Variants in DPP10 observed in about 807,000 individuals in gnomAD.
DPP10 encodes the protein inactive dipeptidyl peptidase 10.
Under a neutral mutation model 120.9 loss-of-function variants are expected in DPP10, and 33 were observed. The ratio of observed to expected loss-of-function variants is 0.27; its 90% CI spans 0.21 to 0.37. The LOEUF (loss-of-function observed/expected upper bound fraction) is 0.37, where lower values mean the gene tolerates loss of function less well. Among genes scored for constraint, DPP10 ranks in the 10% least tolerant of loss-of-function variants. The pLI, the probability that DPP10 is intolerant of heterozygous loss-of-function variation, is 1.00. For synonymous variants in DPP10, 337 were observed against 326.1 expected, an observed-to-expected ratio of 1.03 and a Z score of -0.36; for missense variants, 816 against 942.8, an observed-to-expected ratio of 0.87 and a Z score of 1.76.
intron 1 of DPP10, among the ~76,000 whole-genome samples, chr2:115,065,763 T>G (rs1449248320): frequency 6.7e-6 from 1 of 149,522 alleles, no homozygotes; most frequent in Non-Finnish European, 1.5e-5. Flanking sequence ...AGTAAAATTG[T>G]ATAGTCAATC....
intron 5 of DPP10, among the ~76,000 whole-genome samples, chr2:115,559,740 A>G (rs2080448406): frequency 1.3e-5 from 2 of 152,172 alleles, no homozygotes; most frequent in South Asian, 4.1e-4. Flanking sequence ...CAGCCAAAGT[A>G]CCCAGATGGC....
intron 3 of DPP10, among the ~76,000 whole-genome samples, chr2:115,489,000 T>G (rs1407939124): frequency 6.6e-6 from 1 of 152,108 alleles, no homozygotes; most frequent in African/African-American, 2.4e-5. Flanking sequence ...AAGAACAGTC[T>G]TTTAGTTACA....
intron 1 of DPP10, among the ~76,000 whole-genome samples, chr2:114,544,184 A>T (rs138230424): frequency 6.6e-6 from 1 of 152,202 alleles, no homozygotes; most frequent in Non-Finnish European, 1.5e-5. Context: ...AGAAGAATCA[A>T]TGGGAGAGGT....
At chr2:115,338,624 C>T (rs2420818) in intron 2 of DPP10, among the ~76,000 whole-genome samples, 2 of 151,956 alleles carry the variant, frequency 1.3e-5, no homozygotes, top group Non-Finnish European at 2.9e-5. Context: ...CCTTGCCCAG[C>T]TCAGTATCAT....
chr2:114,471,823 G>A (rs139859825), intron 1 of DPP10, among the ~76,000 whole-genome samples: 104 of 152,314 alleles, frequency 6.8e-4, no homozygotes, highest in African/African-American at 2.1e-3. Context: ...TGAAGGTTCA[G>A]TAGGTAAGAG....
chr2:114,582,603 G>T (rs997265498), intron 1 of DPP10, among the ~76,000 whole-genome samples: 1 of 152,272 alleles, frequency 6.6e-6, no homozygotes, highest in African/African-American at 2.4e-5. Flanking sequence ...CCAGAATTTG[G>T]TGTTGTCAGT....
rs879719530 is a variant in DPP10, at chr2:115,732,228, GA to G, written c.697+4300del. 4.0e-5 allele frequency among the ~76,000 whole-genome samples: 6 copies of G among 151,576 alleles called. No individual in the cohort carries two copies. The South Asian group carries it at 8.3e-4, about 21-fold the overall frequency. On this transcript the variant is annotated intron_variant, in intron 8 of 25. Transcript: ENST00000410059. ...AAATTTACCTTTTGTAAATGTCATA[GA>G]AAAAAAAGATGAGAGAAAGAGTGAC...
intron 1 of DPP10, among the ~76,000 whole-genome samples, chr2:115,130,158 T>C (rs1242179817): frequency 1.3e-5 from 2 of 152,224 alleles, no homozygotes; most frequent in African/African-American, 2.4e-5. Flanking sequence ...GTTAGCTAGC[T>C]CAGATGGAAG....
chr2:115,169,825 C>T (rs1277907282), intron 1 of DPP10, among the ~76,000 whole-genome samples: 3 of 152,136 alleles, frequency 2.0e-5, no homozygotes, highest in Non-Finnish European at 1.5e-5. Flanking sequence ...CTGGTTTTCT[C>T]AGGTCAAGAC....
intron 3 of DPP10, among the ~76,000 whole-genome samples, chr2:115,484,831 T>C (rs1194949769): frequency 6.6e-6 from 1 of 152,092 alleles, no homozygotes; most frequent in African/African-American, 2.4e-5. Flanking sequence ...AAATAGTCCT[T>C]TAGTTTTCTC....
intron 4 of DPP10, among the ~76,000 whole-genome samples, chr2:115,507,190 A>G (rs575882554): frequency 3.3e-5 from 5 of 152,256 alleles, no homozygotes; most frequent in African/African-American, 1.2e-4. Flanking sequence ...AAAAACTTGT[A>G]GAGATTTTTC....
intron 1 of DPP10, among the ~76,000 whole-genome samples, chr2:114,962,798 C>G (rs1698744452): frequency 6.6e-6 from 1 of 152,136 alleles, no homozygotes; most frequent in African/African-American, 2.4e-5. Flanking sequence ...TTGTTGAGCC[C>G]TAATTTAAAT....
intron 17 of DPP10, among the ~76,000 whole-genome samples, chr2:115,788,164 C>T (rs533577198): frequency 2.6e-4 from 39 of 151,972 alleles, no homozygotes; most frequent in Non-Finnish European, 5.1e-4. Context: ...TTCCAATTTA[C>T]GTGTAACTAC....
intron 1 of DPP10, among the ~76,000 whole-genome samples, chr2:114,745,527 A>G (rs1278663720): frequency 2.6e-5 from 4 of 152,346 alleles, no homozygotes; most frequent in South Asian, 4.1e-4. Context: ...AAAAAGAAAT[A>G]CATGGTATGA....
intron 1 of DPP10, among the ~76,000 whole-genome samples, chr2:114,775,784 T>A (rs1681673167): frequency 6.6e-6 from 1 of 152,318 alleles, no homozygotes; most frequent in South Asian, 2.1e-4. Context: ...AGTGTCTTAT[T>A]AATTCAACAC....
rs907637699 is a variant in DPP10 at position 115,583,610 on chromosome 2, G to A, written c.441+57638G>A. ...CATGGTATCTCAGGGCTCCCATAGA[G>A]CGTTTTCCAAGAGACAGGAAACAGG... is the stretch of plus-strand genomic sequence containing the variant. On this transcript the variant is annotated intron_variant, in intron 5 of 25. Transcript: ENST00000410059. Among the ~76,000 whole-genome samples, 5 of 152,254 alleles carry A rather than the reference G, an allele frequency of 3.3e-5. No homozygotes were observed. The South Asian group carries it at 1.0e-3, about 32-fold the overall frequency.
intron 1 of DPP10, among the ~76,000 whole-genome samples, chr2:115,305,558 C>A (rs946711412): frequency 2.0e-5 from 3 of 151,700 alleles, no homozygotes; most frequent in Non-Finnish European, 4.4e-5. Flanking sequence ...CATAGAAGAC[C>A]TCGTCTTTAC....
chr2:114,816,029 T>A (rs1685615737), intron 1 of DPP10, among the ~76,000 whole-genome samples: 1 of 152,160 alleles, frequency 6.6e-6, no homozygotes, highest in African/African-American at 2.4e-5. Flanking sequence ...ATAGATCATG[T>A]TACTCTTGAA....
chr2:114,585,370 A>G (rs1335307877), intron 1 of DPP10, among the ~76,000 whole-genome samples: 1 of 152,084 alleles, frequency 6.6e-6, no homozygotes, highest in Non-Finnish European at 1.5e-5. Context: ...GCTTTGATTG[A>G]CTTATCTGTG....
Sources: gnomAD v4.1 joint callset for allele counts (sites outside exome capture counted in the v4.1 genomes callset) on GRCh38, gnomAD v4.1.1 for gene constraint, MANE v1.5 for transcripts, NCBI Gene and HGNC (gene_info 2026-07-23, HGNC 2026-07-21) for gene names.